GDF11: variants seen among roughly 807,000 people sequenced by gnomAD.
GDF11 encodes the protein growth differentiation factor 11.
In GDF11, 12 loss-of-function variants were observed where a neutral mutation model predicts 34.4. The observed-to-expected ratio is 0.35, with a 90% confidence interval of 0.22 to 0.57. The LOEUF is 0.57. Among genes scored for constraint, GDF11 ranks in the 20% least tolerant of loss-of-function variants. The pLI, the probability that GDF11 is intolerant of heterozygous loss-of-function variation, is 0.86. For synonymous variants in GDF11, 212 were observed against 231.1 expected, an observed-to-expected ratio of 0.92 and a Z score of 0.75; for missense variants, 346 against 548.2, an observed-to-expected ratio of 0.63 and a Z score of 3.68.
chr12:55,743,991 G>C (rs1309887860), intron 1 of GDF11, among the ~76,000 whole-genome samples: 1 of 152,216 alleles, frequency 6.6e-6, no homozygotes, highest in African/African-American at 2.4e-5. Flanking sequence ...GGGAAATGGG[G>C]CGGGTTTCGA....
chr12:55,743,525 A>G lies in GDF11; in HGVS notation c.209A>G (p.His70Arg). 6.3e-7 allele frequency: 1 copy of G among 1,597,962 alleles called. No individual in the cohort carries two copies. The highest frequency in any genetic ancestry group is 1.1e-5 in the South Asian group (1 of 90,510). The part of the protein sequence containing the change: ...DGCPVCVWRQ[H>R]SRELRLESIK... Reference sequence around the variant, plus strand: ...TGCCCCGTGTGCGTTTGGCGGCAGCACAGCCGCGAGCTGCGCCTAGAGAGC... The same window carrying G: ...TGCCCCGTGTGCGTTTGGCGGCAGCGCAGCCGCGAGCTGCGCCTAGAGAGC... The change falls in exon 1 of 3, where the codon CAC becomes CGC. Residue 70 changes from histidine to arginine, a missense_variant. Physicochemically the swap from His to Arg is conservative, Grantham distance 29 (BLOSUM62 0). Transcript: ENST00000257868.
At position 55,749,470 on chromosome 12, in the gene GDF11, T is replaced by TCACA; in HGVS notation, c.844-31_844-28dup. Reference sequence around the variant, plus strand: ...GGAAGAGGAACTGTTCAGGACCATATCACATTTCTTTCCCCTCTCCCTGAC... The same window carrying TCACA: ...GGAAGAGGAACTGTTCAGGACCATATCACACACATTTCTTTCCCCTCTCCCTGAC... On this transcript the variant is annotated intron_variant, in intron 2 of 2. Coordinates refer to ENST00000257868, the MANE Select transcript of GDF11 (RefSeq NM_005811.5). The surrounding 1 kb of genome is among the most constrained non-coding windows in gnomAD (Gnocchi z 5.6). 1 of 1,580,052 alleles carries TCACA rather than the reference T, an allele frequency of 6.3e-7. No homozygotes were observed. The highest frequency in any genetic ancestry group is 1.7e-5 in the Admixed American group (1 of 58,382).
rs1057271732 is a variant in GDF11 at position 55,751,972 on chromosome 12, C to A, written c.*2090C>A. The A allele has an allele frequency of 6.6e-6, 1 of 152,176 alleles. No homozygotes were observed. 9.4% of individuals were successfully genotyped at this position (152,176 alleles called of 1,614,324 possible). A position where few individuals can be genotyped will look rare whatever the true frequency, so the allele number is the denominator to read the frequency against. On this transcript the variant is annotated 3_prime_UTR_variant, in exon 3 of 3. Transcript: ENST00000257868. The stretch of plus-strand genomic sequence containing the variant: ...TGTTGGTGAGCTTTAACATCTTATT[C>A]CTATTCTTATAGTGAGAAAGTGAAA...
intron 1 of GDF11, among the ~76,000 whole-genome samples, chr12:55,747,684 G>C (rs1343346683): frequency 6.6e-6 from 1 of 152,192 alleles, no homozygotes; most frequent in African/African-American, 2.4e-5. Flanking sequence ...TCAATTTAAG[G>C]TCCAGAGCAA....
At position 55,756,561 on chromosome 12, in the gene GDF11, G is replaced by A. The variant is rs762871497; in HGVS notation, c.*6679G>A. 5 of 152,152 alleles carry A rather than the reference G, an allele frequency of 3.3e-5. No individual in the cohort carries two copies. The highest frequency in any genetic ancestry group is 7.4e-5 in the Non-Finnish European group (5 of 68,024). 9.4% of individuals were successfully genotyped at this position (152,152 alleles called of 1,614,324 possible). A position where few individuals can be genotyped will look rare whatever the true frequency, so the allele number is the denominator to read the frequency against. ...TTCAGGTAAGGTGTCAGGCTCCTAA[G>A]TCTTATTACCAAAAATAGCTCAAAC... On this transcript the variant is annotated 3_prime_UTR_variant, in exon 3 of 3. Transcript: ENST00000257868.
intron 1 of GDF11, among the ~76,000 whole-genome samples, chr12:55,747,840 G>C (rs1406977945): frequency 6.6e-6 from 1 of 152,212 alleles, no homozygotes; most frequent in Non-Finnish European, 1.5e-5. Flanking sequence ...TGGTGCTTTA[G>C]GCAAATAGGA....
rs1878454485 is a variant in GDF11, at chr12:55,754,841, A to G, written c.*4959A>G. The G allele has an allele frequency of 6.6e-6, 1 of 152,226 alleles. No homozygotes were observed. The highest frequency in any genetic ancestry group is 1.5e-5 in the Non-Finnish European group (1 of 68,030). 9.4% of individuals were successfully genotyped at this position (152,226 alleles called of 1,614,324 possible). ...ATTATCTGCGCAGGGTCTCAGAGCT[A>G]GTGTGGTAGAATAAGAAATTAAACC... On this transcript the variant is annotated 3_prime_UTR_variant, in exon 3 of 3. Coordinates refer to ENST00000257868, the MANE Select transcript of GDF11 (RefSeq NM_005811.5).
rs1878459702 is a variant in GDF11, at chr12:55,754,972, AAGTT to A, written c.*5093_*5096del. 6.6e-6 allele frequency: 1 copy of A among 152,214 alleles called. No homozygotes were observed. Among genetic ancestry groups the A allele is most frequent in the Non-Finnish European group, 1.5e-5 (1 of 68,040 alleles). The allele number at this position is 152,214 out of a possible 1,614,324, so 9.4% of individuals were successfully genotyped here. A position where few individuals can be genotyped will look rare whatever the true frequency, so the allele number is the denominator to read the frequency against. On this transcript the variant is annotated 3_prime_UTR_variant, in exon 3 of 3. Transcript: ENST00000257868. ...AACATAAGGGAAAGAGATAACAAGAAAGTTAGGGACACCTTGGACTCAAAGAATC... is the reference window on the plus strand; with the variant it reads ...AACATAAGGGAAAGAGATAACAAGAAAGGGACACCTTGGACTCAAAGAATC...
rs926235331 is a variant in GDF11, at chr12:55,750,635, G to C, written c.*753G>C. On this transcript the variant is annotated 3_prime_UTR_variant, in exon 3 of 3. Coordinates refer to ENST00000257868, the MANE Select transcript of GDF11 (RefSeq NM_005811.5). Reference sequence around the variant, plus strand: ...TTGGGAATGGGAGTAAAGGGCAAGAGGGCGGACACATGAAGTTTAGTTTCT... The same window carrying C: ...TTGGGAATGGGAGTAAAGGGCAAGACGGCGGACACATGAAGTTTAGTTTCT... 4.6e-5 allele frequency: 7 copies of C among 152,282 alleles called. No homozygotes were observed. The highest frequency in any genetic ancestry group is 1.7e-4 in the African/African-American group (7 of 41,534). The allele number at this position is 152,282 out of a possible 1,614,324, so 9.4% of individuals were successfully genotyped here.
rs776750556 is a variant in GDF11, at chr12:55,752,276, T to TC, written c.*2397dup. The TC allele has an allele frequency of 4.0e-5, 6 of 150,700 alleles. No homozygotes were observed. The highest frequency in any genetic ancestry group is 8.8e-5 in the Non-Finnish European group (6 of 67,930). 9.3% of individuals were successfully genotyped at this position (150,700 alleles called of 1,614,324 possible). A position where few individuals can be genotyped will look rare whatever the true frequency, so the allele number is the denominator to read the frequency against. On this transcript the variant is annotated 3_prime_UTR_variant, in exon 3 of 3. Transcript: ENST00000257868. Reference sequence around the variant, plus strand: ...ATTGGGCAATAAGCATCAGGTATCTTCCCTCTACAGATTCTAGAGAGCTGG... The same window carrying TC: ...ATTGGGCAATAAGCATCAGGTATCTTCCCCTCTACAGATTCTAGAGAGCTGG...
chr12:55,745,042 G>A (rs1171176923), intron 1 of GDF11, among the ~76,000 whole-genome samples: 1 of 152,142 alleles, frequency 6.6e-6, no homozygotes, highest in Non-Finnish European at 1.5e-5. Context: ...CTGTGGGGGT[G>A]GGAGGTATGG....
chr12:55,756,259 C>T lies in GDF11; in HGVS notation c.*6377C>T, dbSNP rs1878502713. 1 of 152,190 alleles carries T rather than the reference C, an allele frequency of 6.6e-6. No individual in the cohort carries two copies. The highest frequency in any genetic ancestry group is 2.1e-4 in the South Asian group (1 of 4,834). The allele number at this position is 152,190 out of a possible 1,614,324, so 9.4% of individuals were successfully genotyped here. ...TTTAACCAGCATTCCCTTTTGTTCA[C>T]TTCTCCAAAGTCTCAGAATGGGGCA... is the stretch of plus-strand genomic sequence containing the variant. On this transcript the variant is annotated 3_prime_UTR_variant, in exon 3 of 3. Coordinates refer to ENST00000257868, the MANE Select transcript of GDF11 (RefSeq NM_005811.5).
In GDF11 at chr12:55,743,137, CCGCCCGCCCGCCCCGCCCGCG is replaced by C. The variant is rs1293186386; in HGVS notation, c.-171_-151del. The C allele has an allele frequency of 7.0e-6, 1 of 143,006 alleles. No individual in the cohort carries two copies. Among genetic ancestry groups the C allele is most frequent in the Non-Finnish European group, 1.5e-5 (1 of 64,744 alleles). 8.9% of individuals were successfully genotyped at this position (143,006 alleles called of 1,614,324 possible). A position where few individuals can be genotyped will look rare whatever the true frequency, so the allele number is the denominator to read the frequency against. ...GGGCCCCCCCAGCCGCCCGCCCCGG[CCGCCCGCCCGCCCCGCCCGCG>C]CGCCCGCCGCCCCCGGCCCCCCGGG... On this transcript the variant is annotated 5_prime_UTR_variant, in exon 1 of 3. Coordinates refer to ENST00000257868, the MANE Select transcript of GDF11 (RefSeq NM_005811.5).
rs756958896 is a variant in GDF11 at position 55,753,705 on chromosome 12, G to C, written c.*3823G>C. ...GAATCGCTTGAACCCAGGTGGCGGAGGTTGCAGTGAGCTGAGATCGCACCA... is the reference window on the plus strand; with the variant it reads ...GAATCGCTTGAACCCAGGTGGCGGACGTTGCAGTGAGCTGAGATCGCACCA... On this transcript the variant is annotated 3_prime_UTR_variant, in exon 3 of 3. Coordinates refer to ENST00000257868, the MANE Select transcript of GDF11 (RefSeq NM_005811.5). 4 of 149,528 alleles carry C rather than the reference G, an allele frequency of 2.7e-5. No homozygotes were observed. Among genetic ancestry groups the C allele is most frequent in the African/African-American group, 7.5e-5 (3 of 40,088 alleles). The allele number at this position is 149,528 out of a possible 1,614,324, so 9.3% of individuals were successfully genotyped here.
In GDF11 at chr12:55,749,585, C is replaced by G. The variant is rs1229100363; in HGVS notation, c.927C>G (p.Ser309Arg). The change falls in exon 3 of 3, where the codon AGC (serine) becomes AGG (arginine). Residue 309 changes from serine (S) to arginine (R), a missense_variant. By Grantham distance (110) the Ser-to-Arg change is moderately radical. Around this residue, in one of 3 missense-constraint regions of GDF11, gnomAD observed 205 missense variants for 311.3 expected, o/e 0.66. Transcript: ENST00000257868. This position sits in a 1 kb window ranked among gnomAD's most constrained non-coding sequence, Gnocchi z 5.6. The part of the protein sequence containing the change: ...NLGLDCDEHS[S>R]ESRCCRYPLT... Reference sequence around the variant, plus strand: ...GTCTGGACTGCGACGAGCACTCAAGCGAGTCCCGCTGCTGCCGATATCCCC... The same window carrying G: ...GTCTGGACTGCGACGAGCACTCAAGGGAGTCCCGCTGCTGCCGATATCCCC... The G allele has an allele frequency of 1.9e-6, 3 of 1,614,100 alleles. No homozygotes were observed. Among genetic ancestry groups the G allele is most frequent in the Admixed American group, 3.3e-5 (2 of 60,018 alleles).
At chr12:55,744,202 G>A (rs1329330874) in intron 1 of GDF11, among the ~76,000 whole-genome samples, 1 of 152,160 alleles carries the variant, frequency 6.6e-6, no homozygotes, top group African/African-American at 2.4e-5. Context: ...TCCCCACTCC[G>A]TGCTCCGTTC....
chr12:55,756,719 A>G lies in GDF11; in HGVS notation c.*6837A>G, dbSNP rs541399367. The G allele has an allele frequency of 6.6e-6, 1 of 152,238 alleles. No individual in the cohort carries two copies. The highest frequency in any genetic ancestry group is 1.5e-5 in the Non-Finnish European group (1 of 68,030). 9.4% of individuals were successfully genotyped at this position (152,238 alleles called of 1,614,324 possible). A position where few individuals can be genotyped will look rare whatever the true frequency, so the allele number is the denominator to read the frequency against. Reference sequence around the variant, plus strand: ...GCTTATGTTCCCAATGATTTAGCTAACAATGCGTAACAGCTCTGACATCCT... The same window carrying G: ...GCTTATGTTCCCAATGATTTAGCTAGCAATGCGTAACAGCTCTGACATCCT... On this transcript the variant is annotated 3_prime_UTR_variant, in exon 3 of 3. Coordinates refer to ENST00000257868, the MANE Select transcript of GDF11 (RefSeq NM_005811.5).
Position 55,750,535 on chromosome 12 carries a change from C to T in GDF11, c.*653C>T, listed in dbSNP as rs1269867967. The T allele has an allele frequency of 6.6e-6, 1 of 152,102 alleles. No individual in the cohort carries two copies. The highest frequency in any genetic ancestry group is 1.5e-5 in the Non-Finnish European group (1 of 68,028). The allele number at this position is 152,102 out of a possible 1,614,324, so 9.4% of individuals were successfully genotyped here. A position where few individuals can be genotyped will look rare whatever the true frequency, so the allele number is the denominator to read the frequency against. On this transcript the variant is annotated 3_prime_UTR_variant, in exon 3 of 3. Coordinates refer to ENST00000257868, the MANE Select transcript of GDF11 (RefSeq NM_005811.5). ...AGGAGGGCCCCTGCCCACTGTGCCC[C>T]GTTTATCCCTTATTCCCCAAACCCT...
Position 55,752,743 on chromosome 12 carries a change from C to T in GDF11, c.*2861C>T, listed in dbSNP as rs569659606. On this transcript the variant is annotated 3_prime_UTR_variant, in exon 3 of 3. Coordinates refer to ENST00000257868, the MANE Select transcript of GDF11 (RefSeq NM_005811.5). ...CCTGGAGGGAACCACTGCAAAAAGG[C>T]CATCAGGCAGTTTTCAAGTTATGTG... is the stretch of plus-strand genomic sequence containing the variant. The T allele has an allele frequency of 2.6e-5, 4 of 152,188 alleles. No homozygotes were observed. The highest frequency in any genetic ancestry group is 9.6e-5 in the African/African-American group (4 of 41,496). The allele number at this position is 152,188 out of a possible 1,614,324, so 9.4% of individuals were successfully genotyped here.
Sources: allele counts gnomAD v4.1 joint callset (sites outside exome capture counted in the v4.1 genomes callset), GRCh38; gene constraint gnomAD v4.1.1; regional missense constraint gnomAD v4.1.1; non-coding constraint Gnocchi (gnomAD v3.1); transcripts MANE v1.5; gene names NCBI Gene and HGNC (gene_info 2026-07-23, HGNC 2026-07-21).